The following OFD1 variants were observed in gnomAD, a reference collection of about 807,000 sequenced individuals.
OFD1 encodes the protein centriole and centriolar satellite protein OFD1.
OFD1 carries 12 observed loss-of-function variants against 81.4 expected under a neutral mutation model. The ratio of observed to expected loss-of-function variants is 0.15; its 90% confidence interval spans 0.09 to 0.24. The LOEUF (loss-of-function observed/expected upper bound fraction) is 0.24, where lower values mean the gene tolerates loss of function less well. OFD1 is among the 10% of genes least tolerant of loss of function. The probability of loss-of-function intolerance (pLI) is 1.00; values close to 1 mark genes in which losing one functional copy is unlikely to be tolerated. For missense variants in OFD1, 685 were observed against 733.9 expected, an observed-to-expected ratio of 0.93 and a Z score of 0.77; for synonymous variants, 256 against 263.7, an observed-to-expected ratio of 0.97 and a Z score of 0.28.
chrX:13,739,472 G>A (rs1215952025), intron 5 of OFD1, among the ~76,000 whole-genome samples: 4 of 111,960 alleles, frequency 3.6e-5, no homozygotes, highest in Admixed American at 9.5e-5. Context: ...CAGGCCGGGC[G>A]TGGTGGCTCA....
downstream of OFD1, among the ~76,000 whole-genome samples, chrX:13,770,293 C>T (rs2048273649): frequency 8.9e-6 from 1 of 111,940 alleles, no homozygotes; most frequent in African/African-American, 3.2e-5. Context: ...ACAAATAGCA[C>T]ACTAATTGAG....
the OFD1 span, chrX:13,716,220 T>G: frequency 1.3e-6 from 1 of 745,790 alleles, no homozygotes; most frequent in Non-Finnish European, 1.9e-6. Context: ...TAAACTGGGT[T>G]TAAAATTAGC....
In OFD1 at chrX:13,760,640, G is replaced by A; in HGVS notation, c.2180G>A (p.Gly727Glu). 8.3e-7 allele frequency: 1 copy of A among 1,211,329 alleles called. No individual in the cohort carries two copies. Among genetic ancestry groups the A allele is most frequent in the Non-Finnish European group, 1.1e-6 (1 of 895,148 alleles). ...GGCAGTGCAGCCTCGAGGCTCCGCG[G>A]GGGCACTTCCTCCAGACGCCTCTCT... ...LTGSAASRLRGGTSSRRLSST... is the reference protein window; with the variant it reads ...LTGSAASRLREGTSSRRLSST... Residue 727 changes from glycine to glutamate, a missense_variant, in exon 16 of 23, where the codon GGG (glycine) becomes GAG (glutamate). Around this residue, in one of 3 missense-constraint regions of OFD1, gnomAD observed 259 missense variants for 254.4 expected, o/e 1.02. Coordinates refer to ENST00000340096, the MANE Select transcript of OFD1 (RefSeq NM_003611.3).
chrX:13,746,269 G>C, intron 6 of OFD1, 50 bp from the exon 7 acceptor site: 1 of 1,143,853 alleles, frequency 8.7e-7, no homozygotes, highest in South Asian at 1.8e-5. Flanking sequence ...GGCGTCTTAC[G>C]CACCTGACGA....
intron 19 of OFD1, among the ~76,000 whole-genome samples, chrX:13,765,383 C>T (rs905422631): frequency 9.0e-6 from 1 of 111,386 alleles, no homozygotes; most frequent in Non-Finnish European, 1.9e-5. Flanking sequence ...TTTGAGATTA[C>T]TATTCCATAT....
At chrX:13,746,610 T>C (rs778802392) in intron 7 of OFD1, among the ~76,000 whole-genome samples, 155 bp downstream of exon 7, 3 of 111,784 alleles carry the variant, frequency 2.7e-5, no homozygotes, top group Admixed American at 9.5e-5. Context: ...GTGACATTTG[T>C]TTATGCCTTT....
At position 13,768,078 on chromosome X, in the gene OFD1, A is replaced by T. The variant is rs2048200450; in HGVS notation, c.2782A>T (p.Ile928Phe). 8.5e-7 allele frequency: 1 copy of T among 1,175,972 alleles called. No homozygotes were observed. The highest frequency in any genetic ancestry group is 1.8e-5 in the South Asian group (1 of 55,962). The change falls in exon 21 of 23, where the codon ATT becomes TTT. Residue 928 changes from isoleucine to phenylalanine, a missense_variant. Physicochemically the swap from Ile to Phe is conservative, Grantham distance 21. Around this residue, in one of 3 missense-constraint regions of OFD1, gnomAD observed 259 missense variants for 254.4 expected, o/e 1.02. Transcript: ENST00000340096. ...ERKMIEESLK[I>F]KIKKELEMEN... is the part of the protein sequence containing the mutation. ...GAAGATGATTGAAGAATCACTGAAG[A>T]TTAAAATAAAAAAGGAATTAGAAAT...
At chrX:13,763,888 G>T (rs368180972) in intron 19 of OFD1, 33 bp downstream of exon 19, 2 of 1,017,753 alleles carry the variant, frequency 2.0e-6, no homozygotes. Flanking sequence ...CAGTCAGCAG[G>T]GTCGCATACT....
At chrX:13,766,971 C>G (rs1466083214) in intron 19 of OFD1, among the ~76,000 whole-genome samples, 156 bp from the exon 20 acceptor site, 2 of 110,550 alleles carry the variant, frequency 1.8e-5, no homozygotes, top group Admixed American at 9.6e-5. Flanking sequence ...AGCTTGAAGT[C>G]GGTGAAAATG....
intron 14 of OFD1, among the ~76,000 whole-genome samples, 192 bp downstream of exon 14, chrX:13,757,982 TAATAA>T (rs1450446585): frequency 8.9e-6 from 1 of 112,088 alleles, no homozygotes; most frequent in Non-Finnish European, 1.9e-5. Flanking sequence ...TTCGTAATAG[TAATAA>T]AATGGAGAAG....
At chrX:13,768,979 CA>C (rs1363659859) in intron 22 of OFD1, 86 bp from the exon 23 acceptor site, 2 of 805,728 alleles carry the variant, frequency 2.5e-6, no homozygotes, top group African/African-American at 2.0e-5. Context: ...AGAAACCCCC[CA>C]GGGAAGGAAT....
downstream of OFD1, among the ~76,000 whole-genome samples, chrX:13,769,911 G>A (rs1413342151): frequency 8.9e-6 from 1 of 112,070 alleles, no homozygotes; most frequent in Non-Finnish European, 1.9e-5. Flanking sequence ...ATACATTTCT[G>A]GTCTTTGTAA....
intron 8 of OFD1, among the ~76,000 whole-genome samples, chrX:13,748,851 GC>G (rs1184057729): frequency 1.8e-5 from 2 of 111,338 alleles, no homozygotes; most frequent in African/African-American, 6.5e-5. Flanking sequence ...AGGTGTGGTG[GC>G]TCATGCTTGT....
At chrX:13,744,596 T>C (rs1048896286) in intron 6 of OFD1, 77 bp downstream of exon 6, 6 of 646,424 alleles carry the variant, frequency 9.3e-6, no homozygotes, top group African/African-American at 4.3e-5. Flanking sequence ...ATTTACCATA[T>C]TGTGTGATTG....
At chrX:13,766,778 GA>G (rs1471977533) in intron 19 of OFD1, among the ~76,000 whole-genome samples, 1 of 111,157 alleles carries the variant, frequency 9.0e-6, no homozygotes, top group African/African-American at 3.3e-5. Context: ...AAAGATAGGG[GA>G]GGGATTATAA....
chrX:13,760,731 C>T lies in OFD1; in HGVS notation c.2260+11C>T, dbSNP rs1373912531. The stretch of plus-strand genomic sequence containing the variant: ...AAATGTATCTGGAAGGTAAGCCACC[C>T]GCACAAAGGGTTGCGGGGTGCTCTG... On this transcript the variant is annotated intron_variant, in intron 16 of 22. Coordinates refer to ENST00000340096, the MANE Select transcript of OFD1 (RefSeq NM_003611.3). 6.6e-6 allele frequency: 8 copies of T among 1,210,943 alleles called. No individual in the cohort carries two copies. In the South Asian group the frequency reaches 8.8e-5, roughly 13 times the overall value.
chrX:13,762,702 T>G (rs1423579781), intron 18 of OFD1, among the ~76,000 whole-genome samples: 1 of 112,737 alleles, frequency 8.9e-6, no homozygotes, highest in Non-Finnish European at 1.9e-5. Flanking sequence ...ATTATTAACT[T>G]ATCAGATTTT....
chrX:13,761,904 CTTTTTTTTTTTT>C (rs747167069), intron 17 of OFD1, among the ~76,000 whole-genome samples: 2 of 68,961 alleles, frequency 2.9e-5, no homozygotes, highest in South Asian at 1.4e-3. Context: ...AGTCCTAAAG[CTTTTTTTTTTTT>C]TTTTTTTTTT....
intron 10 of OFD1, among the ~76,000 whole-genome samples, chrX:13,751,828 C>T (rs1244639701): frequency 8.9e-6 from 1 of 111,756 alleles, no homozygotes. Context: ...CAGTGACAAT[C>T]CATCTCAAAA....
Sources: allele counts gnomAD v4.1 joint callset (sites outside exome capture counted in the v4.1 genomes callset), GRCh38; gene constraint gnomAD v4.1.1; regional missense constraint gnomAD v4.1.1; transcripts MANE v1.5; gene names NCBI Gene and HGNC (gene_info 2026-07-23, HGNC 2026-07-21).